APLF: variants seen among roughly 807,000 people sequenced by gnomAD.
APLF encodes the protein aprataxin and PNKP like factor, also known as aprataxin and PNK-like factor.
A neutral mutation model predicts 55.6 loss-of-function variants in APLF; 61 were observed. That is an observed-to-expected ratio of 1.10 (90% confidence interval 0.89 to 1.36). APLF has a LOEUF of 1.36. Among genes scored for constraint, APLF ranks in the 40% most tolerant of loss-of-function variants. The probability of loss-of-function intolerance (pLI) is 0.00; values close to 1 mark genes in which losing one functional copy is unlikely to be tolerated. For synonymous variants in APLF, 207 were observed against 214.8 expected, an observed-to-expected ratio of 0.96 and a Z score of 0.32; for missense variants, 611 against 602.5, an observed-to-expected ratio of 1.01 and a Z score of -0.15.
intron 5 of APLF, among the ~76,000 whole-genome samples, chr2:68,524,570 G>A (rs1323958101): frequency 1.3e-5 from 2 of 152,340 alleles, no homozygotes; most frequent in Admixed American, 6.5e-5. Flanking sequence ...GGCCCACAGA[G>A]TTTAATCTGT....
chr2:68,485,296 C>G (rs1202493158), intron 1 of APLF, among the ~76,000 whole-genome samples: 2 of 151,960 alleles, frequency 1.3e-5, no homozygotes, highest in African/African-American at 4.8e-5. Flanking sequence ...TCTGTGAGTC[C>G]AGGCCAGTTA....
intron 6 of APLF, chr2:68,535,205 T>C (rs968349568): frequency 1.8e-5 from 6 of 330,472 alleles, no homozygotes; most frequent in Admixed American, 1.5e-4. Context: ...GTAGATGGAG[T>C]TGAAATATGA....
chr2:68,487,154 A>C (rs562679252), intron 1 of APLF, among the ~76,000 whole-genome samples: 1 of 152,268 alleles, frequency 6.6e-6, no homozygotes, highest in South Asian at 2.1e-4. Context: ...GCAGGACCAA[A>C]TGAAAGCCTG....
At position 68,578,299 on chromosome 2, in the gene APLF, T is replaced by C; in HGVS notation, c.*277T>C. 9.0e-7 allele frequency: 1 copy of C among 1,114,428 alleles called. No homozygotes were observed. The highest frequency in any genetic ancestry group is 1.1e-6 in the Non-Finnish European group (1 of 909,624). The allele number at this position is 1,114,428 out of a possible 1,614,324, so 69.0% of individuals were successfully genotyped here. A position where few individuals can be genotyped will look rare whatever the true frequency, so the allele number is the denominator to read the frequency against. On this transcript the variant is annotated 3_prime_UTR_variant, in exon 10 of 10. Coordinates refer to ENST00000303795, the MANE Select transcript of APLF (RefSeq NM_173545.3). ...AAATGGATATTTTTTATGTACTTTG[T>C]ATATTGGTAATAAAAAGTAAAAGCC...
chr2:68,516,476 G>C (rs1010901723), intron 5 of APLF, among the ~76,000 whole-genome samples: 1 of 150,960 alleles, frequency 6.6e-6, no homozygotes, highest in Non-Finnish European at 1.5e-5. Flanking sequence ...TGTGAAACAG[G>C]TGGTGTTTGG....
chr2:68,549,496 C>A (rs1186167022), intron 8 of APLF, among the ~76,000 whole-genome samples: 4 of 151,948 alleles, frequency 2.6e-5, no homozygotes, highest in East Asian at 1.9e-4. Context: ...AATTTAATTC[C>A]ATATGGTTAT....
chr2:68,517,679 AAT>A (rs1255216795), intron 5 of APLF, among the ~76,000 whole-genome samples: 58 of 145,362 alleles, frequency 4.0e-4, no homozygotes, highest in Admixed American at 4.2e-4. Context: ...ATATATCACT[AAT>A]ATGTTATTAA....
intron 8 of APLF, among the ~76,000 whole-genome samples, chr2:68,554,007 GT>G (rs1670938178): frequency 6.6e-6 from 1 of 151,986 alleles, no homozygotes; most frequent in South Asian, 2.1e-4. Context: ...TGTATGCCAT[GT>G]TAGATAATCT....
At chr2:68,510,428 A>G (rs540904105) in intron 3 of APLF, among the ~76,000 whole-genome samples, 17 of 152,022 alleles carry the variant, frequency 1.1e-4, no homozygotes, top group Non-Finnish European at 2.2e-4. Context: ...ACATGAAAAA[A>G]TGTTCAACAT....
intron 6 of APLF, among the ~76,000 whole-genome samples, chr2:68,526,552 A>G (rs772599582): frequency 8.5e-5 from 13 of 152,228 alleles, no homozygotes; most frequent in Non-Finnish European, 1.2e-4. Context: ...GATACTCTGG[A>G]TAATCAGACT....
intron 8 of APLF, among the ~76,000 whole-genome samples, chr2:68,548,937 C>A (rs1047885762): frequency 2.0e-5 from 3 of 151,998 alleles, no homozygotes; most frequent in African/African-American, 7.2e-5. Context: ...AACCCCATAT[C>A]TTTTCATCCC....
intron 5 of APLF, among the ~76,000 whole-genome samples, chr2:68,517,324 GTCATTACTATATAATATATTAATATA>G (rs1262337482): frequency 0.034 from 2,067 of 61,322 alleles, 2 homozygotes; most frequent in Non-Finnish European, 0.048. Context: ...ATTAATATAT[GTCATTACTATATAATATATTAATATA>G]TCATTACTAT....
At chr2:68,517,586 T>C (rs1161962657) in intron 5 of APLF, among the ~76,000 whole-genome samples, 1 of 144,144 alleles carries the variant, frequency 6.9e-6, no homozygotes, top group Non-Finnish European at 1.5e-5. Flanking sequence ...CACTAATATA[T>C]GTAATTAACA....
At chr2:68,490,053 A>C (rs1440809746) in intron 1 of APLF, 137 bp from the exon 2 acceptor site, 1 of 503,960 alleles carries the variant, frequency 2.0e-6, no homozygotes, top group Non-Finnish European at 3.4e-6. Flanking sequence ...TTCAATATAC[A>C]GTTGTTGAAT....
chr2:68,490,112 G>A, intron 1 of APLF, 78 bp from the exon 2 acceptor site: 1 of 945,750 alleles, frequency 1.1e-6, no homozygotes, highest in Non-Finnish European at 1.6e-6. Flanking sequence ...ACATCGCCAA[G>A]GGTTTCGTTT....
chr2:68,522,932 C>G (rs993846200), intron 5 of APLF, among the ~76,000 whole-genome samples: 1 of 151,698 alleles, frequency 6.6e-6, no homozygotes, highest in African/African-American at 2.4e-5. Context: ...TTGATTATGC[C>G]TGTACACTTT....
At chr2:68,503,021 A>C in intron 3 of APLF, 118 bp downstream of exon 3, 1 of 1,086,366 alleles carries the variant, frequency 9.2e-7, no homozygotes, top group East Asian at 2.6e-5. Flanking sequence ...GTAGGTGTGT[A>C]ATGTGTGTGT....
chr2:68,523,370 A>G (rs1669946631), intron 5 of APLF, among the ~76,000 whole-genome samples: 1 of 151,966 alleles, frequency 6.6e-6, no homozygotes, highest in African/African-American at 2.4e-5. Flanking sequence ...TAGCCTTTCA[A>G]AGTCACTTGT....
At position 68,576,995 on chromosome 2, in the gene APLF, G is replaced by A. The variant is rs114877720; in HGVS notation, c.1334-825G>A. Among the ~76,000 whole-genome samples the A allele has an allele frequency of 8.8e-3, 1,337 of 152,132 alleles. 14 individuals carry two copies. The highest frequency in any genetic ancestry group is 0.031 in the African/African-American group (1,272 of 41,504). On this transcript the variant is annotated intron_variant, in intron 9 of 9. Transcript: ENST00000303795. ...AGCTCGCTGTGGAAAGAGTAAGATC[G>A]GGGAAGAAATGAATTTGGAGACAGA...
Sources: allele counts gnomAD v4.1 joint callset (sites outside exome capture counted in the v4.1 genomes callset), GRCh38; gene constraint gnomAD v4.1.1; transcripts MANE v1.5; gene names NCBI Gene and HGNC (gene_info 2026-07-23, HGNC 2026-07-21).